CHD7: variants seen among roughly 807,000 people sequenced by gnomAD.
CHD7 encodes ATP-dependent chromatin remodeler CHD7.
Under a neutral mutation model 307.3 loss-of-function variants are expected in CHD7, and 24 were observed. The ratio of observed to expected loss-of-function variants is 0.08; its 90% confidence interval spans 0.06 to 0.11. The LOEUF is 0.11. Among genes scored for constraint, CHD7 ranks in the 10% least tolerant of loss-of-function variants. The pLI, the probability that CHD7 is intolerant of heterozygous loss-of-function variation, is 1.00. For synonymous variants in CHD7, 1,363 were observed against 1,349.9 expected, an observed-to-expected ratio of 1.01 and a Z score of -0.21; for missense variants, 3,106 against 3,727.1, an observed-to-expected ratio of 0.83 and a Z score of 4.34.
chr8:60,794,517 A>G (rs762356314), intron 3 of CHD7, among the ~76,000 whole-genome samples: 4 of 152,240 alleles, frequency 2.6e-5, no homozygotes, highest in South Asian at 2.1e-4. Flanking sequence ...AAGTTGAACA[A>G]AAATGTAACT....
At chr8:60,705,374 T>A (rs1019084694) in intron 1 of CHD7, among the ~76,000 whole-genome samples, 1 of 152,212 alleles carries the variant, frequency 6.6e-6, no homozygotes, top group African/African-American at 2.4e-5. Context: ...AAGTATAAAT[T>A]CACTGAGGAC....
intron 3 of CHD7, among the ~76,000 whole-genome samples, chr8:60,786,608 G>A (rs989048380): frequency 2.0e-5 from 3 of 152,144 alleles, no homozygotes; most frequent in Admixed American, 1.3e-4. Context: ...GAGCCGCAGT[G>A]GGATGTTAAA....
chr8:60,823,602 C>T (rs1273168129), intron 12 of CHD7, among the ~76,000 whole-genome samples: 1 of 152,152 alleles, frequency 6.6e-6, no homozygotes, highest in South Asian at 2.1e-4. Flanking sequence ...GTAATTGATG[C>T]ATGTGCTCTG....
chr8:60,772,557 G>A (rs1453332491), intron 2 of CHD7, among the ~76,000 whole-genome samples: 1 of 152,170 alleles, frequency 6.6e-6, no homozygotes, highest in African/African-American at 2.4e-5. Context: ...GGTAGCTTCA[G>A]GTGTGGGTGT....
chr8:60,794,490 A>G (rs998775529), intron 3 of CHD7, among the ~76,000 whole-genome samples: 3 of 152,242 alleles, frequency 2.0e-5, no homozygotes, highest in Non-Finnish European at 2.9e-5. Flanking sequence ...TATTTTTATT[A>G]CATTCTAAAA....
At chr8:60,849,344 G>A (rs932744520) in intron 25 of CHD7, among the ~76,000 whole-genome samples, 190 bp downstream of exon 25, 2 of 152,166 alleles carry the variant, frequency 1.3e-5, no homozygotes, top group African/African-American at 2.4e-5. Context: ...TTGAATGTTT[G>A]TTGAGCATTT....
At chr8:60,782,389 A>G (rs555671074) in intron 3 of CHD7, among the ~76,000 whole-genome samples, 3 of 152,342 alleles carry the variant, frequency 2.0e-5, no homozygotes, top group Admixed American at 2.0e-4. Flanking sequence ...CCAAGTACAC[A>G]AACAGAGGAG....
intron 2 of CHD7, among the ~76,000 whole-genome samples, chr8:60,770,968 T>G (rs1046114073): frequency 1.3e-5 from 2 of 152,270 alleles, no homozygotes; most frequent in Non-Finnish European, 2.9e-5. Context: ...GGTTTGAATC[T>G]TGATTCTTCT....
intron 8 of CHD7, among the ~76,000 whole-genome samples, chr8:60,818,114 C>T (rs1733180637): frequency 6.6e-6 from 1 of 152,198 alleles, no homozygotes; most frequent in Admixed American, 6.5e-5. Context: ...CCCTTCCTCC[C>T]TCTCTTTTAT....
intron 1 of CHD7, among the ~76,000 whole-genome samples, chr8:60,735,001 A>G (rs1422846052): frequency 2.0e-5 from 3 of 152,222 alleles, no homozygotes; most frequent in African/African-American, 7.2e-5. Context: ...CTTCAGAGCT[A>G]GTGTAAACAG....
intron 1 of CHD7, among the ~76,000 whole-genome samples, chr8:60,715,778 A>G (rs1807568198): frequency 1.4e-5 from 2 of 147,558 alleles, no homozygotes; most frequent in African/African-American, 2.5e-5. Flanking sequence ...AAACAAAACA[A>G]AACAAAACGT....
Position 60,852,048 on chromosome 8 carries a change from G to A in CHD7, c.5695G>A (p.Gly1899Ser). Residue 1899 changes from glycine (G) to serine (S), a missense_variant, in exon 29 of 38, where the codon GGC becomes AGC. Coordinates refer to ENST00000423902, the MANE Select transcript of CHD7 (RefSeq NM_017780.4). ...GKHSESNAEL[G>S]QLYWPNTSTL... ...GCACAGTGAGAGTAATGCTGAGTTA[G>A]GCCAACTTTACTGGCCTAACACTTC... The A allele has an allele frequency of 1.9e-6, 3 of 1,613,454 alleles. No homozygotes were observed. The highest frequency in any genetic ancestry group is 2.5e-6 in the Non-Finnish European group (3 of 1,179,664).
Position 60,830,493 on chromosome 8 carries a change from G to C in CHD7, c.3694G>C (p.Gly1232Arg), listed in dbSNP as rs770339483. ...LEKNFTFLSKGGGQANVPNLL... is the reference protein window; with the variant it reads ...LEKNFTFLSKRGGQANVPNLL... ...GAAGAATTTCACATTTCTTTCCAAA[G>C]GCGGTGGTCAAGCTAACGTACCTAA... Residue 1232 changes from glycine to arginine, a missense_variant, in exon 15 of 38, where the codon GGC becomes CGC. This residue lies in a region of CHD7 where 232 missense variants were observed against 422.5 expected (regional missense o/e 0.55). Coordinates refer to ENST00000423902, the MANE Select transcript of CHD7 (RefSeq NM_017780.4). The C allele has an allele frequency of 1.2e-6, 2 of 1,613,978 alleles. No individual in the cohort carries two copies. Among genetic ancestry groups the C allele is most frequent in the East Asian group, 2.2e-5 (1 of 44,880 alleles).
intron 17 of CHD7, 69 bp downstream of exon 17, chr8:60,837,081 C>A (rs1804775144): frequency 1.7e-6 from 2 of 1,208,578 alleles, no homozygotes; most frequent in Non-Finnish European, 2.3e-6. Context: ...CAGAGAGTAC[C>A]AGTCAGACCC....
intron 2 of CHD7, among the ~76,000 whole-genome samples, chr8:60,780,029 G>A (rs1811134486): frequency 6.6e-6 from 1 of 152,204 alleles, no homozygotes; most frequent in African/African-American, 2.4e-5. Context: ...CAGGAAATGA[G>A]AGACATATGT....
Position 60,856,717 on chromosome 8 carries a change from G to C in CHD7, c.7437G>C (p.Lys2479Asn). The change falls in exon 34 of 38, where the codon AAG becomes AAC. Residue 2479 changes from lysine to asparagine, a missense_variant. By Grantham distance (94) the Lys-to-Asn change is moderately conservative. Around this residue, in one of 10 missense-constraint regions of CHD7, gnomAD observed 1,030 missense variants for 1,165.4 expected, o/e 0.88. Transcript: ENST00000423902. ...NVSTPVSDAF[K>N]TQMELLQAGL... ...CAACACCAGTGTCTGATGCCTTTAAGACTCAAATGGAACTGCTCCAAGCAG... is the reference window on the plus strand; with the variant it reads ...CAACACCAGTGTCTGATGCCTTTAACACTCAAATGGAACTGCTCCAAGCAG... The C allele has an allele frequency of 6.2e-7, 1 of 1,614,014 alleles. No homozygotes were observed. Among genetic ancestry groups the C allele is most frequent in the Non-Finnish European group, 8.5e-7 (1 of 1,179,884 alleles).
intron 1 of CHD7, among the ~76,000 whole-genome samples, chr8:60,740,472 C>T (rs1438664014): frequency 6.6e-6 from 1 of 152,154 alleles, no homozygotes; most frequent in Non-Finnish European, 1.5e-5. Context: ...TTGGGCTGCT[C>T]TGTGTCAGTG....
chr8:60,815,068 C>T (rs1452844353), intron 7 of CHD7, among the ~76,000 whole-genome samples: 1 of 152,118 alleles, frequency 6.6e-6, no homozygotes, highest in Non-Finnish European at 1.5e-5. Flanking sequence ...TTCATCTAGT[C>T]TGTTTTCTGT....
chr8:60,824,051 A>C, intron 13 of CHD7, 35 bp downstream of exon 13: 1 of 1,580,222 alleles, frequency 6.3e-7, no homozygotes, highest in South Asian at 1.1e-5. Context: ...ACTGAACCTG[A>C]ATAGAATTGT....
Sources: allele counts gnomAD v4.1 joint callset (sites outside exome capture counted in the v4.1 genomes callset), GRCh38; gene constraint gnomAD v4.1.1; regional missense constraint gnomAD v4.1.1; transcripts MANE v1.5; gene names NCBI Gene and HGNC (gene_info 2026-07-23, HGNC 2026-07-21).